Variants in RNLS observed in about 807,000 individuals in gnomAD.
The protein encoded by RNLS is renalase.
RNLS carries 39 observed loss-of-function variants against 39.8 expected under a neutral mutation model. The ratio of observed to expected loss-of-function variants is 0.98; its 90% CI spans 0.76 to 1.28. The LOEUF is 1.28. Among genes scored for constraint, RNLS ranks in the 50% most tolerant of loss-of-function variants. RNLS has a pLI of 0.00. For missense variants in RNLS, 410 were observed against 413.3 expected (o/e 0.99, Z 0.07); for synonymous variants, 147 against 150.7 (o/e 0.98, Z 0.18).
the RNLS span, among the ~76,000 whole-genome samples, chr10:88,203,318 G>GTATATA: frequency 2.3e-4 from 1 of 4,346 alleles, no homozygotes; most frequent in African/African-American, 1.2e-3. Context: ...ATATACGTAT[G>GTATATA]TATATATATA....
At chr10:88,488,091 AT>A in intron 4 of RNLS, among the ~76,000 whole-genome samples, 1 of 152,204 alleles carries the variant, frequency 6.6e-6, no homozygotes, top group East Asian at 1.9e-4. Flanking sequence ...GGGAGAAGGT[AT>A]GAATTACAAA....
chr10:88,431,346 A>G (rs1360540056), intron 4 of RNLS, among the ~76,000 whole-genome samples: 4 of 151,636 alleles, frequency 2.6e-5, no homozygotes, highest in Non-Finnish European at 5.9e-5. Flanking sequence ...TACTGATATT[A>G]GCAATTTGTG....
At chr10:88,545,599 C>CA (rs2134305513) in intron 4 of RNLS, 1 of 386,948 alleles carries the variant, frequency 2.6e-6, no homozygotes, top group East Asian at 7.6e-5. Context: ...CCTCCCATGA[C>CA]ACGTGGGGAT....
the RNLS span, among the ~76,000 whole-genome samples, chr10:88,227,718 C>T: frequency 1.3e-5 from 2 of 152,192 alleles, no homozygotes; most frequent in African/African-American, 4.8e-5. Flanking sequence ...ATTCTGCTGC[C>T]TATAGAATTT....
chr10:88,405,594 T>G (rs1385539522), intron 4 of RNLS, among the ~76,000 whole-genome samples: 1 of 152,024 alleles, frequency 6.6e-6, no homozygotes, highest in Non-Finnish European at 1.5e-5. Flanking sequence ...AGTCCTTATG[T>G]GTTAGGTGAG....
chr10:88,273,420 A>T (rs1842706060), downstream of RNLS, among the ~76,000 whole-genome samples: 1 of 152,258 alleles, frequency 6.6e-6, no homozygotes. Flanking sequence ...AATGACAAGC[A>T]TCCTGTATTC....
chr10:88,288,489 A>G (rs891889617), intron 6 of RNLS, among the ~76,000 whole-genome samples: 12 of 152,176 alleles, frequency 7.9e-5, no homozygotes, highest in African/African-American at 1.4e-4. Flanking sequence ...TCATATCTAT[A>G]CATATATGTG....
chr10:88,200,779 G>C, the RNLS span, among the ~76,000 whole-genome samples: 1 of 152,116 alleles, frequency 6.6e-6, no homozygotes, highest in Non-Finnish European at 1.5e-5. Context: ...ACAAAGAACT[G>C]TTTGTGTGTA....
intron 4 of RNLS, among the ~76,000 whole-genome samples, chr10:88,426,493 T>A (rs1008481756): frequency 6.6e-6 from 1 of 151,842 alleles, no homozygotes; most frequent in African/African-American, 2.4e-5. Flanking sequence ...GGAAAAAAAA[T>A]TCACAAGAGG....
At chr10:88,245,081 AG>A in the RNLS span, among the ~76,000 whole-genome samples, 1 of 152,222 alleles carries the variant, frequency 6.6e-6, no homozygotes, top group Non-Finnish European at 1.5e-5. Context: ...GGGGAAAAAA[AG>A]GAAAAGCTTT....
At chr10:88,582,585 T>G (rs550466858) in intron 1 of RNLS, among the ~76,000 whole-genome samples, 5 of 152,326 alleles carry the variant, frequency 3.3e-5, no homozygotes, top group African/African-American at 1.2e-4. Flanking sequence ...AGTCAACTAA[T>G]GCTCTTTCAT....
intron 5 of RNLS, among the ~76,000 whole-genome samples, chr10:88,356,150 A>C (rs992946638): frequency 1.2e-4 from 19 of 152,048 alleles, no homozygotes; most frequent in African/African-American, 4.3e-4. Flanking sequence ...GGAATTCCCT[A>C]CCCCTTGCGC....
At chr10:88,532,249 T>C (rs1293458425) in intron 4 of RNLS, among the ~76,000 whole-genome samples, 1 of 152,068 alleles carries the variant, frequency 6.6e-6, no homozygotes, top group Non-Finnish European at 1.5e-5. Context: ...GATGCACACT[T>C]TACAAGACTT....
At chr10:88,289,984 T>A (rs1291914044) in intron 6 of RNLS, among the ~76,000 whole-genome samples, 2 of 152,182 alleles carry the variant, frequency 1.3e-5, no homozygotes, top group East Asian at 3.9e-4. Flanking sequence ...ATTGTCAATT[T>A]GTATATGGTT....
chr10:88,512,036 G>A (rs954893730), intron 4 of RNLS, among the ~76,000 whole-genome samples: 1 of 152,128 alleles, frequency 6.6e-6, no homozygotes. Flanking sequence ...ATCCTTGAAT[G>A]TAAATCAGTA....
intron 4 of RNLS, among the ~76,000 whole-genome samples, chr10:88,415,066 T>C (rs1415534703): frequency 1.3e-5 from 2 of 152,304 alleles, no homozygotes; most frequent in East Asian, 3.9e-4. Context: ...TAGCAGACAA[T>C]GCTCCTGGCA....
chr10:88,373,391 A>T (rs948887603), intron 4 of RNLS, among the ~76,000 whole-genome samples: 3 of 152,108 alleles, frequency 2.0e-5, no homozygotes, highest in African/African-American at 7.2e-5. Context: ...TTTTCTGTTT[A>T]CATAATAACA....
At chr10:88,531,072 A>G (rs558811493) in intron 4 of RNLS, among the ~76,000 whole-genome samples, 59 of 152,278 alleles carry the variant, frequency 3.9e-4, no homozygotes, top group Admixed American at 2.3e-3. Flanking sequence ...TATTTAATAG[A>G]AGTTAAACTG....
chr10:88,471,855 G>T (rs1196278655), intron 4 of RNLS, among the ~76,000 whole-genome samples: 1 of 152,062 alleles, frequency 6.6e-6, no homozygotes, highest in African/African-American at 2.4e-5. Flanking sequence ...AGGCTCACAT[G>T]AGCCTTGGTG....
Sources: gnomAD v4.1 joint callset for allele counts (sites outside exome capture counted in the v4.1 genomes callset) on GRCh38, gnomAD v4.1.1 for gene constraint, MANE v1.5 for transcripts, NCBI Gene and HGNC (gene_info 2026-07-23, HGNC 2026-07-21) for gene names.